Variants in RIPOR2 observed in about 807,000 individuals in gnomAD.
The protein encoded by RIPOR2 is RHO family interacting cell polarization regulator 2, also known as rho family-interacting cell polarization regulator 2.
RIPOR2 carries 39 observed loss-of-function variants against 114.5 expected under a neutral mutation model. The ratio of observed to expected loss-of-function variants is 0.34; its 90% CI spans 0.26 to 0.44. The LOEUF (loss-of-function observed/expected upper bound fraction) is 0.44, where lower values mean the gene tolerates loss of function less well. RIPOR2 is among the 20% of genes least tolerant of loss of function. RIPOR2 has a pLI of 1.00. For synonymous variants in RIPOR2, 445 were observed against 484.4 expected, an observed-to-expected ratio of 0.92 and a Z score of 1.07; for missense variants, 1,007 against 1,255.1, an observed-to-expected ratio of 0.80 and a Z score of 2.99.
intron 5 of RIPOR2, among the ~76,000 whole-genome samples, chr6:24,870,402 C>T (rs980428010): frequency 1.3e-5 from 2 of 152,226 alleles, no homozygotes; most frequent in African/African-American, 2.4e-5. Flanking sequence ...TCATTATCCT[C>T]ATCAGACAAA....
At chr6:24,956,349 A>G (rs1325118356) in intron 1 of RIPOR2, among the ~76,000 whole-genome samples, 1 of 152,256 alleles carries the variant, frequency 6.6e-6, no homozygotes, top group Non-Finnish European at 1.5e-5. Context: ...TAGGTTAAAA[A>G]TAACTTTTTC....
intron 1 of RIPOR2, among the ~76,000 whole-genome samples, chr6:25,004,881 AC>A (rs1462128864): frequency 1.3e-5 from 2 of 151,978 alleles, no homozygotes; most frequent in African/African-American, 4.8e-5. Context: ...TCCTTAAGGT[AC>A]TTTAGTATTC....
chr6:24,823,776 G>A (rs1759904709), intron 19 of RIPOR2, among the ~76,000 whole-genome samples: 1 of 152,026 alleles, frequency 6.6e-6, no homozygotes. Flanking sequence ...TTTATTTTCT[G>A]AGATGGAGTC....
Position 25,022,531 on chromosome 6 carries a change from CAT to C in RIPOR2, c.76+19318_76+19319del, listed in dbSNP as rs1491373555. 7.8e-4 allele frequency among the ~76,000 whole-genome samples: 50 copies of C among 64,514 alleles called. 2 individuals carry two copies. Among genetic ancestry groups the C allele is most frequent in the East Asian group, 3.3e-3 (9 of 2,706 alleles). 42.3% of individuals were successfully genotyped at this position (64,514 alleles called of 152,430 possible). A position where few individuals can be genotyped will look rare whatever the true frequency, so the allele number is the denominator to read the frequency against. On this transcript the variant is annotated intron_variant, in intron 1 of 13. Transcript: ENST00000510784. Reference sequence around the variant, plus strand: ...CACATATAACTAATGTGGTACCTTCCATTTTTTTTTTTTTTTTTTTTTTTTTT... The same window carrying C: ...CACATATAACTAATGTGGTACCTTCCTTTTTTTTTTTTTTTTTTTTTTTTT...
chr6:24,918,158 C>A (rs1411393674), intron 1 of RIPOR2, among the ~76,000 whole-genome samples: 5 of 152,212 alleles, frequency 3.3e-5, no homozygotes, highest in African/African-American at 7.2e-5. Flanking sequence ...CATTCCCTGG[C>A]TCCTCCCTAT....
chr6:25,030,683 G>A (rs892846234), intron 1 of RIPOR2, among the ~76,000 whole-genome samples: 41 of 152,006 alleles, frequency 2.7e-4, no homozygotes, highest in African/African-American at 9.7e-4. Flanking sequence ...GGGTCTTGCT[G>A]TTTTTCGTTG....
At chr6:24,848,489 A>G (rs543383616) in intron 11 of RIPOR2, among the ~76,000 whole-genome samples, 13 of 152,336 alleles carry the variant, frequency 8.5e-5, no homozygotes, top group Non-Finnish European at 1.5e-4. Flanking sequence ...TGAAAAGTCT[A>G]TAAAAATTAT....
At chr6:24,898,203 G>A (rs1768077742) in intron 1 of RIPOR2, among the ~76,000 whole-genome samples, 1 of 151,922 alleles carries the variant, frequency 6.6e-6, no homozygotes, top group Non-Finnish European at 1.5e-5. Flanking sequence ...AAAGACAAAT[G>A]GCCTTACCTA....
intron 7 of RIPOR2, among the ~76,000 whole-genome samples, chr6:24,862,392 G>A (rs1764151081): frequency 6.6e-6 from 1 of 152,202 alleles, no homozygotes; most frequent in South Asian, 2.1e-4. Context: ...AGTGCAGGCT[G>A]GTATTGCTTC....
chr6:25,027,696 C>A (rs1776698715), intron 1 of RIPOR2, among the ~76,000 whole-genome samples: 1 of 152,202 alleles, frequency 6.6e-6, no homozygotes, highest in Admixed American at 6.5e-5. Flanking sequence ...TCACCAAATC[C>A]CTGAGCGACT....
intron 12 of RIPOR2, among the ~76,000 whole-genome samples, chr6:24,845,181 T>C (rs897051841): frequency 2.6e-5 from 4 of 152,196 alleles, no homozygotes; most frequent in African/African-American, 9.7e-5. Context: ...TGTTTTACTC[T>C]ATTAGTGATT....
chr6:24,825,925 C>T (rs373379653), intron 18 of RIPOR2, among the ~76,000 whole-genome samples: 16 of 126,282 alleles, frequency 1.3e-4, no homozygotes, highest in Non-Finnish European at 1.3e-4. Context: ...ATGTTTTTCT[C>T]TTTTTTTTTT....
chr6:25,025,890 T>C (rs1329893588), intron 1 of RIPOR2, among the ~76,000 whole-genome samples: 1 of 152,214 alleles, frequency 6.6e-6, no homozygotes, highest in African/African-American at 2.4e-5. Flanking sequence ...TGGGCTTGAC[T>C]GGAAGACTGT....
intron 1 of RIPOR2, chr6:24,977,061 C>T (rs1774095070): frequency 1.5e-6 from 2 of 1,312,658 alleles, no homozygotes; most frequent in East Asian, 2.3e-5. Context: ...CATTTGCTTG[C>T]AGTATCCCAG....
chr6:24,886,930 G>A (rs1185503101), intron 1 of RIPOR2, among the ~76,000 whole-genome samples: 3 of 152,126 alleles, frequency 2.0e-5, no homozygotes, highest in Non-Finnish European at 4.4e-5. Context: ...TGGCAAAATG[G>A]TACTCTTTAA....
intron 1 of RIPOR2, chr6:25,015,963 G>C (rs1195671637): frequency 7.3e-6 from 1 of 137,244 alleles, no homozygotes; most frequent in East Asian, 2.1e-4. Flanking sequence ...GAGTGCAATG[G>C]CATGATCTCG....
rs558974464 is a variant in RIPOR2 at position 24,873,706 on chromosome 6, G to A, written c.282C>T (p.Pro94=). Reference sequence around the variant, plus strand: ...CCCTTTTAGGCTGAGGCTCTTTGGGGGGATTGTTGTTTTTGTGGCCTAAAT... The same window carrying A: ...CCCTTTTAGGCTGAGGCTCTTTGGGAGGATTGTTGTTTTTGTGGCCTAAAT... ...MHNLGHKNNN[P]PKEPQPKRVE... The change falls in exon 3 of 22, where the codon CCC becomes CCT. Residue 94 remains proline (P), a synonymous_variant. Transcript: ENST00000643898. The A allele has an allele frequency of 1.9e-6, 3 of 1,613,658 alleles. No individual in the cohort carries two copies. Among genetic ancestry groups the A allele is most frequent in the South Asian group, 2.2e-5 (2 of 91,036 alleles).
intron 1 of RIPOR2, among the ~76,000 whole-genome samples, chr6:24,920,220 C>A (rs1243150209): frequency 6.6e-6 from 1 of 152,204 alleles, no homozygotes. Flanking sequence ...CTGTTAGGAA[C>A]ATAGACCAAA....
intron 1 of RIPOR2, among the ~76,000 whole-genome samples, chr6:24,919,711 A>G (rs1429692192): frequency 6.6e-6 from 1 of 152,172 alleles, no homozygotes; most frequent in African/African-American, 2.4e-5. Context: ...CATCTAGAAG[A>G]GCAAACGTAC....
Sources: gnomAD v4.1 joint callset for allele counts (sites outside exome capture counted in the v4.1 genomes callset) on GRCh38, gnomAD v4.1.1 for gene constraint, MANE v1.5 for transcripts, NCBI Gene and HGNC (gene_info 2026-07-23, HGNC 2026-07-21) for gene names.